The following RNF150 variants were observed in gnomAD, a reference collection of about 807,000 sequenced individuals.
RNF150 encodes ring finger protein 150.
A neutral mutation model predicts 39.3 loss-of-function variants in RNF150; 24 were observed. That is an observed-to-expected ratio of 0.61 (90% CI 0.44 to 0.86). The LOEUF is 0.86. RNF150 is among the 40% of genes least tolerant of loss of function. RNF150 has a pLI of 0.00. For synonymous variants in RNF150, 255 were observed against 227.3 expected, an observed-to-expected ratio of 1.12 and a Z score of -1.10; for missense variants, 502 against 587.8, an observed-to-expected ratio of 0.85 and a Z score of 1.51.
chr4:140,938,360 G>A (rs1399493219), intron 4 of RNF150, among the ~76,000 whole-genome samples: 3 of 152,048 alleles, frequency 2.0e-5, no homozygotes, highest in African/African-American at 7.2e-5. Flanking sequence ...GGGAGAGTGA[G>A]TGAGAGGCTG....
intron 1 of RNF150, among the ~76,000 whole-genome samples, chr4:140,970,942 T>C (rs191018021): frequency 2.0e-5 from 3 of 152,114 alleles, no homozygotes; most frequent in African/African-American, 7.2e-5. Context: ...CTATTGTGCA[T>C]GGTGAAAAGT....
intron 4 of RNF150, among the ~76,000 whole-genome samples, chr4:140,942,295 C>A (rs1732118597): frequency 6.6e-6 from 1 of 152,190 alleles, no homozygotes; most frequent in South Asian, 2.1e-4. Flanking sequence ...CTGAGGCCTG[C>A]AAAACCTGGG....
upstream of RNF150, among the ~76,000 whole-genome samples, chr4:141,136,603 T>G (rs1409835150): frequency 6.6e-6 from 1 of 152,208 alleles, no homozygotes; most frequent in East Asian, 1.9e-4. Context: ...CCCCCAAATA[T>G]ATAATACTGT....
At chr4:141,025,333 G>A (rs1182568249) in intron 1 of RNF150, among the ~76,000 whole-genome samples, 2 of 152,162 alleles carry the variant, frequency 1.3e-5, no homozygotes, top group East Asian at 3.9e-4. Flanking sequence ...AGACTAAATT[G>A]TTACCTAAAT....
intron 6 of RNF150, among the ~76,000 whole-genome samples, chr4:140,888,613 A>T (rs1729657896): frequency 6.6e-6 from 1 of 152,212 alleles, no homozygotes; most frequent in Non-Finnish European, 1.5e-5. Flanking sequence ...CAAGGTAAGG[A>T]TACATGAAAG....
chr4:140,931,526 G>C (rs1578979795), intron 4 of RNF150, among the ~76,000 whole-genome samples: 1 of 152,190 alleles, frequency 6.6e-6, no homozygotes, highest in African/African-American at 2.4e-5. Context: ...ATCTGGAGTT[G>C]AGTGAAATGC....
intron 1 of RNF150, among the ~76,000 whole-genome samples, chr4:141,007,118 A>G (rs57734965): frequency 0.076 from 11,534 of 152,286 alleles, 493 homozygotes; most frequent in Middle Eastern, 0.16. Flanking sequence ...GAATTGAGAC[A>G]GTAATAAATC....
In RNF150 at chr4:140,867,970, C is replaced by T. The variant is rs932562156; in HGVS notation, c.*291G>A. On this transcript the variant is annotated 3_prime_UTR_variant, in exon 7 of 7. Coordinates refer to ENST00000515673, the MANE Select transcript of RNF150 (RefSeq NM_020724.2). ...GAAACTAAGAAATCCTAAAGGTGGC[C>T]TTTCAGTCTCTGTTTTAGGAGCTTC... The T allele has an allele frequency of 1.3e-5, 4 of 302,044 alleles. No individual in the cohort carries two copies. Among genetic ancestry groups the T allele is most frequent in the Admixed American group, 1.0e-4 (2 of 19,906 alleles). 18.7% of individuals were successfully genotyped at this position (302,044 alleles called of 1,614,324 possible). A position where few individuals can be genotyped will look rare whatever the true frequency, so the allele number is the denominator to read the frequency against.
At chr4:140,978,699 G>A (rs1273766391) in intron 1 of RNF150, among the ~76,000 whole-genome samples, 1 of 152,058 alleles carries the variant, frequency 6.6e-6, no homozygotes, top group East Asian at 1.9e-4. Context: ...ACTGTATGGG[G>A]AGTGATGAAT....
intron 1 of RNF150, among the ~76,000 whole-genome samples, chr4:141,044,477 A>C (rs1449325960): frequency 6.6e-6 from 1 of 152,218 alleles, no homozygotes; most frequent in African/African-American, 2.4e-5. Context: ...TTAATATACA[A>C]AAAATGAATA....
intron 5 of RNF150, among the ~76,000 whole-genome samples, chr4:140,923,806 C>T (rs370689739): frequency 5.3e-5 from 8 of 152,250 alleles, no homozygotes; most frequent in Non-Finnish European, 8.8e-5. Context: ...AAATGATGAG[C>T]TCATGTCCTT....
chr4:141,028,472 G>A (rs1735804576), intron 1 of RNF150, among the ~76,000 whole-genome samples: 2 of 152,110 alleles, frequency 1.3e-5, no homozygotes, highest in Non-Finnish European at 2.9e-5. Context: ...GAAAAATTTG[G>A]AATTTTGCCA....
At chr4:141,001,069 C>T (rs78086897) in intron 1 of RNF150, among the ~76,000 whole-genome samples, 23,903 of 152,140 alleles carry the variant, frequency 0.16, 2,278 homozygotes, top group East Asian at 0.38. Flanking sequence ...TGGAGATGCA[C>T]AGATTCAACA....
chr4:140,954,949 CTAACAGCTGTA>C (rs1342772378), intron 2 of RNF150, among the ~76,000 whole-genome samples: 2 of 151,980 alleles, frequency 1.3e-5, no homozygotes, highest in African/African-American at 4.8e-5. Context: ...GTTTTTTTCC[CTAACAGCTGTA>C]TTTTATGATC....
intron 1 of RNF150, among the ~76,000 whole-genome samples, chr4:141,078,789 CA>C (rs150748282): frequency 7.8e-5 from 5 of 63,862 alleles, no homozygotes; most frequent in Admixed American, 2.1e-4. Flanking sequence ...AACTCCGTCT[CA>C]AAAAAAAAAA....
At chr4:141,085,528 A>G (rs972071565) in intron 1 of RNF150, among the ~76,000 whole-genome samples, 4 of 152,212 alleles carry the variant, frequency 2.6e-5, no homozygotes, top group Admixed American at 2.0e-4. Flanking sequence ...ATGTGAGTGA[A>G]GATGGTGCCA....
intron 1 of RNF150, among the ~76,000 whole-genome samples, chr4:141,018,133 C>T (rs1735350524): frequency 6.6e-6 from 1 of 152,160 alleles, no homozygotes; most frequent in African/African-American, 2.4e-5. Context: ...AAGGGCTCAT[C>T]CAAGGCCACA....
intron 6 of RNF150, among the ~76,000 whole-genome samples, chr4:140,897,790 G>T (rs558346200): frequency 1.3e-5 from 2 of 152,144 alleles, no homozygotes; most frequent in South Asian, 4.2e-4. Flanking sequence ...ACTTTTCTAA[G>T]GATTATTGCA....
intron 1 of RNF150, among the ~76,000 whole-genome samples, chr4:141,144,448 G>A (rs1333677313): frequency 6.6e-6 from 1 of 152,116 alleles, no homozygotes; most frequent in Non-Finnish European, 1.5e-5. Flanking sequence ...TGGAGTCTGG[G>A]CCTGAGTTAC....
Sources: allele counts gnomAD v4.1 joint callset (sites outside exome capture counted in the v4.1 genomes callset), GRCh38; gene constraint gnomAD v4.1.1; transcripts MANE v1.5; gene names NCBI Gene and HGNC (gene_info 2026-07-23, HGNC 2026-07-21).